MARCHF1: variants seen among roughly 807,000 people sequenced by gnomAD.
MARCHF1 encodes the protein membrane associated ring-CH-type finger 1.
In MARCHF1, 40 loss-of-function variants were observed where a neutral mutation model predicts 54.2. The ratio of observed to expected loss-of-function variants is 0.74; its 90% CI spans 0.57 to 0.96. The LOEUF (loss-of-function observed/expected upper bound fraction) is 0.96. Among genes scored for constraint, MARCHF1 ranks in the 40% least tolerant of loss-of-function variants. The pLI is 0.00. For missense variants in MARCHF1, 586 were observed against 656.5 expected (o/e 0.89, Z 1.17); for synonymous variants, 236 against 236.3 (o/e 1.00, Z 0.01).
intron 1 of MARCHF1, among the ~76,000 whole-genome samples, chr4:164,148,768 G>A (rs559783911): frequency 6.6e-6 from 1 of 150,822 alleles, no homozygotes; most frequent in Non-Finnish European, 1.5e-5. Context: ...ATTCCTATAA[G>A]TAATTCTAGA....
At chr4:164,234,196 A>T (rs1732487522) in intron 1 of MARCHF1, among the ~76,000 whole-genome samples, 1 of 152,152 alleles carries the variant, frequency 6.6e-6, no homozygotes, top group Non-Finnish European at 1.5e-5. Flanking sequence ...GAATGATTTA[A>T]CAAGCTACAG....
chr4:163,929,322 A>G (rs567286783), intron 3 of MARCHF1, among the ~76,000 whole-genome samples: 1 of 152,186 alleles, frequency 6.6e-6, no homozygotes, highest in East Asian at 1.9e-4. Flanking sequence ...TGGCTGCCTC[A>G]TAGAATTATT....
rs555620675 is a variant in MARCHF1 at position 163,716,216 on chromosome 4, AAACAAC to A, written c.112-15359_112-15354del. Among the ~76,000 whole-genome samples the A allele has an allele frequency of 4.0e-3, 543 of 134,412 alleles. 1 individual carries two copies. The highest frequency in any genetic ancestry group is 0.011 in the African/African-American group (457 of 40,986). The allele number at this position is 134,412 out of a possible 152,430, so 88.2% of individuals were successfully genotyped here. ...CTGGTAAATGTAATTCAATTTATGT[AAACAAC>A]AACAACAACAACAACAATACAAGTA... On this transcript the variant is annotated intron_variant, in intron 4 of 9. Transcript: ENST00000514618.
chr4:164,281,740 C>T (rs941343564), intron 1 of MARCHF1, among the ~76,000 whole-genome samples: 7 of 152,220 alleles, frequency 4.6e-5, no homozygotes, highest in South Asian at 2.1e-4. Flanking sequence ...TAATATGAAG[C>T]AGTTGACTTG....
intron 3 of MARCHF1, among the ~76,000 whole-genome samples, chr4:163,988,133 A>T (rs1213255756): frequency 6.6e-6 from 1 of 152,198 alleles, no homozygotes; most frequent in Non-Finnish European, 1.5e-5. Context: ...ACCAGCCAGC[A>T]TCACCAGTTC....
In MARCHF1 at chr4:163,525,599, T is replaced by G. The variant is rs1379777257; in HGVS notation, c.*3149A>C. 1 of 152,112 alleles carries G rather than the reference T, an allele frequency of 6.6e-6. No homozygotes were observed. The highest frequency in any genetic ancestry group is 1.5e-5 in the Non-Finnish European group (1 of 68,014). 9.4% of individuals were successfully genotyped at this position (152,112 alleles called of 1,614,324 possible). Reference sequence around the variant, plus strand: ...TACTCCTGTACGATAAGAGTGATAGTTCTTTAAAAAAATTAACAGCATCAA... The same window carrying G: ...TACTCCTGTACGATAAGAGTGATAGGTCTTTAAAAAAATTAACAGCATCAA... On this transcript the variant is annotated 3_prime_UTR_variant, in exon 10 of 10. Coordinates refer to ENST00000514618, the MANE Select transcript of MARCHF1 (RefSeq NM_001394959.1).
chr4:163,931,759 C>T (rs1751682168), intron 3 of MARCHF1, among the ~76,000 whole-genome samples: 1 of 152,114 alleles, frequency 6.6e-6, no homozygotes, highest in Non-Finnish European at 1.5e-5. Flanking sequence ...CAGATGTTTC[C>T]TGAAAAAGAA....
chr4:164,109,284 T>C (rs113459352), intron 2 of MARCHF1, among the ~76,000 whole-genome samples: 1 of 152,002 alleles, frequency 6.6e-6, no homozygotes, highest in Non-Finnish European at 1.5e-5. Flanking sequence ...CAAGATAAGA[T>C]CTGTTTTACT....
intron 1 of MARCHF1, among the ~76,000 whole-genome samples, chr4:164,136,357 G>A (rs1756402805): frequency 6.6e-6 from 1 of 151,490 alleles, no homozygotes; most frequent in Non-Finnish European, 1.5e-5. Context: ...CCTTCCTGCA[G>A]AGGGGCCCAG....
At chr4:163,943,976 TG>T (rs1292637137) in intron 3 of MARCHF1, among the ~76,000 whole-genome samples, 1 of 151,986 alleles carries the variant, frequency 6.6e-6, no homozygotes, top group African/African-American at 2.4e-5. Context: ...TTTTTTGTTT[TG>T]TTTTTTTTGA....
intron 1 of MARCHF1, among the ~76,000 whole-genome samples, chr4:164,239,054 T>A (rs115025386): frequency 4.3e-4 from 65 of 152,148 alleles, no homozygotes; most frequent in African/African-American, 1.5e-3. Flanking sequence ...AGGTTATATA[T>A]TTGTTGATTA....
intron 1 of MARCHF1, among the ~76,000 whole-genome samples, chr4:164,143,871 G>T (rs1729581262): frequency 6.6e-6 from 1 of 152,128 alleles, no homozygotes; most frequent in Non-Finnish European, 1.5e-5. Context: ...AAAAGACACA[G>T]ACTGGCAAAT....
intron 4 of MARCHF1, among the ~76,000 whole-genome samples, chr4:163,721,039 G>T (rs964317153): frequency 1.3e-5 from 2 of 152,082 alleles, no homozygotes; most frequent in East Asian, 1.9e-4. Context: ...CTACCTGACT[G>T]CCCTGGACAG....
chr4:163,638,857 TTAGAA>T (rs1400595921), intron 5 of MARCHF1, among the ~76,000 whole-genome samples: 1 of 152,220 alleles, frequency 6.6e-6, no homozygotes, highest in Non-Finnish European at 1.5e-5. Context: ...TTTATTAGTC[TTAGAA>T]TAGAAATCTT....
At chr4:164,343,840 C>G (rs1319810087) in intron 1 of MARCHF1, among the ~76,000 whole-genome samples, 2 of 152,082 alleles carry the variant, frequency 1.3e-5, no homozygotes, top group Non-Finnish European at 1.5e-5. Flanking sequence ...GAACTCAAAA[C>G]AGTTACTGTT....
intron 1 of MARCHF1, among the ~76,000 whole-genome samples, chr4:164,237,495 A>G (rs538105321): frequency 6.6e-6 from 1 of 152,182 alleles, no homozygotes; most frequent in Admixed American, 6.6e-5. Flanking sequence ...AAACACCTGG[A>G]CCACAACCCA....
At chr4:164,068,507 G>T (rs939937996) in intron 2 of MARCHF1, among the ~76,000 whole-genome samples, 1 of 152,158 alleles carries the variant, frequency 6.6e-6, no homozygotes, top group Non-Finnish European at 1.5e-5. Context: ...GGCCAGCCCC[G>T]CCGGCCCCGA....
At chr4:163,586,041 G>T in intron 7 of MARCHF1, 112 bp from the exon 8 acceptor site, 1 of 848,498 alleles carries the variant, frequency 1.2e-6, no homozygotes, top group Non-Finnish European at 1.7e-6. Context: ...CTAAGATTTA[G>T]AACACATGGA....
chr4:164,032,804 C>T lies in MARCHF1; in HGVS notation c.-247-44095G>A, dbSNP rs184642439. On this transcript the variant is annotated intron_variant, in intron 2 of 9. Transcript: ENST00000514618. ...CATGTGGCACAGAGAGGATTAACTA[C>T]CTTAAAATTCATATGGGACCGAAAA... Among the ~76,000 whole-genome samples the T allele has an allele frequency of 3.5e-3, 528 of 152,020 alleles. 1 individual carries two copies. Among genetic ancestry groups the T allele is most frequent in the Non-Finnish European group, 6.2e-3 (420 of 67,956 alleles).
Sources: gnomAD v4.1 joint callset for allele counts (sites outside exome capture counted in the v4.1 genomes callset) on GRCh38, gnomAD v4.1.1 for gene constraint, MANE v1.5 for transcripts, NCBI Gene and HGNC (gene_info 2026-07-23, HGNC 2026-07-21) for gene names.